Variants in NFIB observed in about 807,000 individuals in gnomAD.
The protein encoded by NFIB is nuclear factor I B, also known as nuclear factor 1 B-type.
In NFIB, 11 loss-of-function variants were observed where a neutral mutation model predicts 61.5. The ratio of observed to expected loss-of-function variants is 0.18; its 90% CI spans 0.11 to 0.30. The LOEUF is 0.30. NFIB is among the 10% of genes least tolerant of loss of function. The pLI, the probability that NFIB is intolerant of heterozygous loss-of-function variation, is 1.00. For missense variants in NFIB, 471 were observed against 608.9 expected (o/e 0.77, Z 2.38); for synonymous variants, 260 against 216.5 (o/e 1.20, Z -1.76).
rs548063521 is a variant in NFIB at position 14,366,065 on chromosome 9, C to A, written c.108+32459G>T. Among the ~76,000 whole-genome samples the A allele has an allele frequency of 3.3e-5, 5 of 152,300 alleles. No individual in the cohort carries two copies. In the South Asian group the frequency reaches 6.2e-4, roughly 19 times the overall value. ...ACAGCATTTAATGAAACCCCTCCCT[C>A]CAGACGCTCCTGATCAAAGTCTACC... On this transcript the variant is annotated intron_variant, in intron 1 of 8. Transcript: ENST00000380934.
In NFIB at chr9:14,086,686, G is replaced by C. The variant is rs1164351264; in HGVS notation, c.*1623C>G. 9.5e-6 allele frequency: 2 copies of C among 210,742 alleles called. No individual in the cohort carries two copies. The highest frequency in any genetic ancestry group is 1.9e-5 in the Non-Finnish European group (2 of 103,988). 13.1% of individuals were successfully genotyped at this position (210,742 alleles called of 1,614,324 possible). ...TGTCACACATTTTTCTTCGTCTGGA[G>C]TACAAAATATTTTGTCATAAAAATG... On this transcript the variant is annotated 3_prime_UTR_variant, in exon 11 of 11. Coordinates refer to ENST00000380953, the MANE Select transcript of NFIB (RefSeq NM_001190737.2).
chr9:14,173,633 T>C (rs1472099834), intron 3 of NFIB, among the ~76,000 whole-genome samples: 1 of 152,216 alleles, frequency 6.6e-6, no homozygotes, highest in Non-Finnish European at 1.5e-5. Context: ...GAATTGTTTA[T>C]GGTTCTTGGT....
chr9:14,202,817 C>A lies in NFIB; in HGVS notation c.563-23037G>T, dbSNP rs148138296. On this transcript the variant is annotated intron_variant, in intron 2 of 10. Coordinates refer to ENST00000380953, the MANE Select transcript of NFIB (RefSeq NM_001190737.2). ...ATCACCTTCACAATGTCAATTAATA[C>A]CAAATTTAGCTTTACAACTCCATGA... Among the ~76,000 whole-genome samples the A allele has an allele frequency of 4.0e-3, 612 of 152,242 alleles. 4 individuals carry two copies. Among genetic ancestry groups the A allele is most frequent in the Non-Finnish European group, 5.3e-3 (363 of 68,018 alleles).
intron 10 of NFIB, among the ~76,000 whole-genome samples, chr9:14,111,028 A>G (rs1050606981): frequency 1.3e-5 from 2 of 152,144 alleles, no homozygotes; most frequent in African/African-American, 4.8e-5. Context: ...CATAAGTATT[A>G]ACTATAGTTG....
the NFIB span, among the ~76,000 whole-genome samples, chr9:14,471,767 A>T: frequency 2.0e-5 from 3 of 152,142 alleles, no homozygotes; most frequent in African/African-American, 7.2e-5. Context: ...TTACCAAGCT[A>T]ATTTGCGACA....
At chr9:14,479,731 G>T in the NFIB span, among the ~76,000 whole-genome samples, 1 of 152,186 alleles carries the variant, frequency 6.6e-6, no homozygotes, top group Non-Finnish European at 1.5e-5. Context: ...AAGATCATGT[G>T]CATTCACACA....
chr9:14,415,633 GT>G, the NFIB span, among the ~76,000 whole-genome samples: 2 of 152,188 alleles, frequency 1.3e-5, no homozygotes, highest in African/African-American at 4.8e-5. Flanking sequence ...TTCATAATCT[GT>G]TAATTAGAGA....
At chr9:14,428,987 G>C in the NFIB span, among the ~76,000 whole-genome samples, 65 of 152,278 alleles carry the variant, frequency 4.3e-4, no homozygotes, top group African/African-American at 1.5e-3. Flanking sequence ...ATCCCGGCGC[G>C]TCTTGACCGG....
chr9:14,112,291 T>C (rs529823125), intron 10 of NFIB, among the ~76,000 whole-genome samples: 1 of 152,368 alleles, frequency 6.6e-6, no homozygotes, highest in East Asian at 1.9e-4. Flanking sequence ...TACATTGGTA[T>C]GGTCCATGCT....
the NFIB span, among the ~76,000 whole-genome samples, chr9:14,459,035 C>G: frequency 0.011 from 1,696 of 152,118 alleles, 35 homozygotes; most frequent in African/African-American, 0.038. Flanking sequence ...TCATATGGAA[C>G]CAAAAAAGAG....
At position 14,102,198 on chromosome 9, in the gene NFIB, C is replaced by A. The variant is rs188049803; in HGVS notation, c.1467+10801G>T. On this transcript the variant is annotated intron_variant, in intron 10 of 10. Transcript: ENST00000380953. Reference sequence around the variant, plus strand: ...ATAAATTGTAGAAAACATTTTATAGCATTTAAAAATTCCAATGATCAGTAA... The same window carrying A: ...ATAAATTGTAGAAAACATTTTATAGAATTTAAAAATTCCAATGATCAGTAA... Among the ~76,000 whole-genome samples, 6 of 152,126 alleles carry A rather than the reference C, an allele frequency of 3.9e-5. No homozygotes were observed. The East Asian group carries it at 9.6e-4, about 24-fold the overall frequency.
chr9:14,177,768 G>C (rs1284791277), intron 3 of NFIB, among the ~76,000 whole-genome samples: 1 of 152,038 alleles, frequency 6.6e-6, no homozygotes, highest in Non-Finnish European at 1.5e-5. Context: ...AAATTTAAAA[G>C]GGAAAAAAAT....
the NFIB span, among the ~76,000 whole-genome samples, chr9:14,451,292 A>G: frequency 0.011 from 1,710 of 152,320 alleles, 23 homozygotes; most frequent in Middle Eastern, 0.027. Context: ...TTTATTCTTT[A>G]TTACATCTTT....
In NFIB at chr9:14,313,904, T is replaced by C; in HGVS notation, c.-393A>G. 1 of 1,006,094 alleles carries C rather than the reference T, an allele frequency of 9.9e-7. No homozygotes were observed. The highest frequency in any genetic ancestry group is 1.2e-6 in the Non-Finnish European group (1 of 848,360). The allele number at this position is 1,006,094 out of a possible 1,614,324, so 62.3% of individuals were successfully genotyped here. On this transcript the variant is annotated 5_prime_UTR_variant, in exon 1 of 11. Coordinates refer to ENST00000380953, the MANE Select transcript of NFIB (RefSeq NM_001190737.2). The surrounding 1 kb of genome is among the most constrained non-coding windows in gnomAD (Gnocchi z 4.5). ...GCGCGAAGGTTCGGTGTGGGTTGGATTGGGGTGGTGGTTGGTGGTAAAATG... is the reference window on the plus strand; with the variant it reads ...GCGCGAAGGTTCGGTGTGGGTTGGACTGGGGTGGTGGTTGGTGGTAAAATG...
the NFIB span, among the ~76,000 whole-genome samples, chr9:14,530,610 G>T: frequency 6.6e-6 from 1 of 152,118 alleles, no homozygotes; most frequent in Non-Finnish European, 1.5e-5. Flanking sequence ...TTCACGAGAC[G>T]CCTAGGATCA....
chr9:14,490,027 C>A, the NFIB span, among the ~76,000 whole-genome samples: 1 of 152,102 alleles, frequency 6.6e-6, no homozygotes, highest in Non-Finnish European at 1.5e-5. Flanking sequence ...TTTGAGATTG[C>A]ACCTATAGGC....
intron 6 of NFIB, among the ~76,000 whole-genome samples, chr9:14,134,897 C>CAAAAAAAAAAAAAAAAAAAAAAAA (rs57014530): frequency 1.6e-5 from 1 of 64,344 alleles, no homozygotes; most frequent in African/African-American, 4.6e-5. Flanking sequence ...GACTCTGTCT[C>CAAAAAAAAAAAAAAAAAAAAAAAA]AAAAAAAAAA....
chr9:14,236,548 GAT>G (rs1355509978), intron 2 of NFIB, among the ~76,000 whole-genome samples: 1 of 152,154 alleles, frequency 6.6e-6, no homozygotes, highest in Non-Finnish European at 1.5e-5. Context: ...AGCCACTTAA[GAT>G]CACACTCATC....
At chr9:14,445,867 A>G in the NFIB span, among the ~76,000 whole-genome samples, 1 of 151,930 alleles carries the variant, frequency 6.6e-6, no homozygotes, top group African/African-American at 2.4e-5. Flanking sequence ...TGCATCTTTG[A>G]TGTTTGATTG....
Sources: gnomAD v4.1 joint callset for allele counts (sites outside exome capture counted in the v4.1 genomes callset) on GRCh38, gnomAD v4.1.1 for gene constraint, Gnocchi (gnomAD v3.1) non-coding constraint, MANE v1.5 for transcripts, NCBI Gene and HGNC (gene_info 2026-07-23, HGNC 2026-07-21) for gene names.